ZFR2: variants seen among roughly 807,000 people sequenced by gnomAD.
ZFR2 encodes zinc finger RNA-binding protein 2.
ZFR2 carries 104 observed loss-of-function variants against 105.7 expected under a neutral mutation model. The ratio of observed to expected loss-of-function variants is 0.98; its 90% CI spans 0.84 to 1.16. ZFR2 has a LOEUF of 1.16. Ranked by LOEUF, ZFR2 falls within the 50% of genes most tolerant of loss-of-function variation. ZFR2 has a pLI of 0.00. For missense variants in ZFR2, 1,425 were observed against 1,355.5 expected (o/e 1.05, Z -0.80); for synonymous variants, 634 against 597.7 (o/e 1.06, Z -0.89).
chr19:3,816,676 G>T lies in ZFR2; in HGVS notation c.2101C>A (p.Gln701Lys), dbSNP rs2037827472. The T allele has an allele frequency of 6.2e-7, 1 of 1,607,464 alleles. No individual in the cohort carries two copies. The highest frequency in any genetic ancestry group is 8.5e-7 in the Non-Finnish European group (1 of 1,176,396). ...RIAQQLPRQL[Q>K]MVTEDEYEVS... ...GATGAGCAGGGCCCTGACCTTACCT[G>T]GAGCTGCCGGGGCAGCTGCTGGGCG... is the stretch of plus-strand genomic sequence containing the variant. The change falls in exon 13 of 19, where the codon CAG (glutamine) becomes AAG (lysine). Residue 701 changes from glutamine (Q) to lysine (K), a missense_variant and splice_region_variant. Physicochemically the swap from Gln to Lys is moderately conservative, Grantham distance 53. Coordinates refer to ENST00000262961, the MANE Select transcript of ZFR2 (RefSeq NM_015174.2).
At chr19:3,853,095 C>G (rs1368891489) in intron 1 of ZFR2, among the ~76,000 whole-genome samples, 2 of 152,176 alleles carry the variant, frequency 1.3e-5, no homozygotes, top group Non-Finnish European at 2.9e-5. Flanking sequence ...GAGACCCCAT[C>G]TCTTAAAAAC....
rs117250437 is a variant in ZFR2, at chr19:3,866,775, G to A, written c.53+2190C>T. The stretch of plus-strand genomic sequence containing the variant: ...CCTGGATCGCTAGCCAAGTCCAGCC[G>A]CTTTAACTGAGCCCTGGCAATCAAA... On this transcript the variant is annotated intron_variant, in intron 1 of 18. Transcript: ENST00000262961. 1.1e-3 allele frequency among the ~76,000 whole-genome samples: 163 copies of A among 152,248 alleles called. 2 individuals are homozygous for A. The East Asian group carries it at 0.015, about 14-fold the overall frequency.
At chr19:3,865,586 G>A (rs558548835) in intron 1 of ZFR2, among the ~76,000 whole-genome samples, 146 of 152,228 alleles carry the variant, frequency 9.6e-4, no homozygotes, top group Middle Eastern at 3.4e-3. Context: ...TCAAACTCCT[G>A]GGCTCAAGTG....
chr19:3,824,125 C>T (rs1421585132), intron 7 of ZFR2, among the ~76,000 whole-genome samples: 1 of 152,028 alleles, frequency 6.6e-6, no homozygotes, highest in Non-Finnish European at 1.5e-5. Context: ...AGCAGAACCC[C>T]ACCTCTACAA....
chr19:3,821,447 C>T lies in ZFR2; in HGVS notation c.1524G>A (p.Thr508=), dbSNP rs183901732. The T allele has an allele frequency of 1.8e-4, 284 of 1,608,304 alleles. 1 individual carries two copies. The highest frequency in any genetic ancestry group is 8.9e-4 in the Admixed American group (53 of 59,816). Residue 508 remains threonine, a synonymous_variant, in exon 10 of 19, where the codon ACG becomes ACA. Coordinates refer to ENST00000262961, the MANE Select transcript of ZFR2 (RefSeq NM_015174.2). The stretch of plus-strand genomic sequence containing the variant: ...CCTTCCGAGCCCGGCTGCTGGGCTC[C>T]GTGGCAATGGGAAGGTCCGGGTTCA... ...KKVNPDLPIA[T]EPSSRARKVL...
rs968048354 is a variant in ZFR2, at chr19:3,827,338, C to T, written c.1035+133G>A. 3.5e-6 allele frequency: 4 copies of T among 1,136,918 alleles called. No homozygotes were observed. The African/African-American group carries it at 6.5e-5, about 19-fold the overall frequency. 70.4% of individuals were successfully genotyped at this position (1,136,918 alleles called of 1,614,324 possible). ...GACGCATGGGCCTGGGCGGCTGGCC[C>T]TTGGGGCGCGCTCCACTTGGGGAGG... On this transcript the variant is annotated intron_variant, in intron 6 of 18. Coordinates refer to ENST00000262961, the MANE Select transcript of ZFR2 (RefSeq NM_015174.2).
chr19:3,831,282 C>A, intron 5 of ZFR2, 21 bp downstream of exon 5: 1 of 1,497,450 alleles, frequency 6.7e-7, no homozygotes, highest in Non-Finnish European at 8.9e-7. Flanking sequence ...GGGGCCTGCC[C>A]ATGGCAGGAG....
chr19:3,820,392 A>G (rs977594796), intron 10 of ZFR2, 102 bp from the exon 11 acceptor site: 2 of 1,100,834 alleles, frequency 1.8e-6, no homozygotes, highest in Non-Finnish European at 2.6e-6. Context: ...CAAGGAAGGA[A>G]GGGCCAAAGC....
At chr19:3,840,457 G>C (rs1334480675) in intron 1 of ZFR2, among the ~76,000 whole-genome samples, 1 of 151,948 alleles carries the variant, frequency 6.6e-6, no homozygotes, top group Non-Finnish European at 1.5e-5. Flanking sequence ...GGCTGGTCTT[G>C]AACTCCCAAC....
chr19:3,867,015 T>C (rs2038437929), intron 1 of ZFR2, among the ~76,000 whole-genome samples: 1 of 152,098 alleles, frequency 6.6e-6, no homozygotes, highest in African/African-American at 2.4e-5. Flanking sequence ...TCTTTGTGAT[T>C]CCATTAGAAA....
At chr19:3,840,679 C>T (rs1193956459) in intron 1 of ZFR2, among the ~76,000 whole-genome samples, 5 of 152,094 alleles carry the variant, frequency 3.3e-5, no homozygotes, top group Admixed American at 1.3e-4. Flanking sequence ...CACAGGCATG[C>T]ACCATCACAC....
At chr19:3,852,149 T>A in intron 1 of ZFR2, 1 of 347,914 alleles carries the variant, frequency 2.9e-6, no homozygotes, top group African/African-American at 2.3e-5. Flanking sequence ...GGGTGGCTCT[T>A]CTGGCCCAGG....
intron 1 of ZFR2, chr19:3,855,271 T>G (rs1962133058): frequency 1.3e-6 from 1 of 788,372 alleles, no homozygotes; most frequent in Non-Finnish European, 1.7e-6. Context: ...CATTTGCATT[T>G]TCAGAACAAA....
intron 1 of ZFR2, chr19:3,857,078 CTTCTTTTTT>C (rs1213681378): frequency 2.9e-5 from 3 of 103,990 alleles, no homozygotes; most frequent in African/African-American, 1.1e-4. Flanking sequence ...TTTGTGAAAT[CTTCTTTTTT>C]TTTTTTTTTT....
At chr19:3,830,164 C>A (rs1309467421) in intron 5 of ZFR2, among the ~76,000 whole-genome samples, 1 of 150,740 alleles carries the variant, frequency 6.6e-6, no homozygotes, top group African/African-American at 2.4e-5. Flanking sequence ...AATAGCCAGG[C>A]ATGGTGGTGT....
At chr19:3,826,983 T>A (rs1032068376) in intron 6 of ZFR2, among the ~76,000 whole-genome samples, 2 of 151,996 alleles carry the variant, frequency 1.3e-5, no homozygotes, top group Non-Finnish European at 2.9e-5. Context: ...GGCTCACGCC[T>A]GTAATCCCGG....
rs1487384154 is a variant in ZFR2 at position 3,805,666 on chromosome 19, C to G, written c.*283G>C. On this transcript the variant is annotated 3_prime_UTR_variant, in exon 19 of 19. Transcript: ENST00000262961. ...GCGCCTGGCCACCAACCATGCCAAG[C>G]TGATTTTTAAAAATATTTTGGAGAG... is the stretch of plus-strand genomic sequence containing the variant. The G allele has an allele frequency of 2.8e-6, 1 of 356,662 alleles. No homozygotes were observed. The highest frequency in any genetic ancestry group is 5.0e-6 in the Non-Finnish European group (1 of 199,090). 22.1% of individuals were successfully genotyped at this position (356,662 alleles called of 1,614,324 possible).
chr19:3,862,623 G>C (rs1397853585), intron 1 of ZFR2, among the ~76,000 whole-genome samples: 1 of 152,178 alleles, frequency 6.6e-6, no homozygotes, highest in African/African-American at 2.4e-5. Flanking sequence ...AAACAAGTAA[G>C]ATGAAAAATC....
intron 7 of ZFR2, among the ~76,000 whole-genome samples, chr19:3,824,808 A>G (rs890372968): frequency 2.0e-5 from 3 of 152,120 alleles, no homozygotes; most frequent in Admixed American, 2.0e-4. Flanking sequence ...GTGGTGGTGC[A>G]TGCCTATAGT....
Sources: gnomAD v4.1 joint callset for allele counts (sites outside exome capture counted in the v4.1 genomes callset) on GRCh38, gnomAD v4.1.1 for gene constraint, MANE v1.5 for transcripts, NCBI Gene and HGNC (gene_info 2026-07-23, HGNC 2026-07-21) for gene names.